DSCAM: variants seen among roughly 807,000 people sequenced by gnomAD.
DSCAM encodes DS cell adhesion molecule, also known as cell adhesion molecule DSCAM.
DSCAM carries 47 observed loss-of-function variants against 217.7 expected under a neutral mutation model. That is an observed-to-expected ratio of 0.22 (90% CI 0.17 to 0.28). The LOEUF is 0.28. Among genes scored for constraint, DSCAM ranks in the 10% least tolerant of loss-of-function variants. The probability of loss-of-function intolerance (pLI) is 1.00; values close to 1 mark genes in which losing one functional copy is unlikely to be tolerated. For synonymous variants in DSCAM, 1,056 were observed against 1,015.3 expected (o/e 1.04, Z -0.76); for missense variants, 2,080 against 2,618.3 (o/e 0.79, Z 4.49).
rs143079973 is a variant in DSCAM, at chr21:40,497,753, T to C, written c.509-128508A>G. On this transcript the variant is annotated intron_variant, in intron 3 of 32. Coordinates refer to ENST00000400454, the MANE Select transcript of DSCAM (RefSeq NM_001389.5). The stretch of plus-strand genomic sequence containing the variant: ...ATATATATACATTTATTTGTCAATA[T>C]ACAAATAAATTGTTTAAAAAATAAA... 2.4e-4 allele frequency among the ~76,000 whole-genome samples: 37 copies of C among 152,334 alleles called. No homozygotes were observed. In the East Asian group the frequency reaches 6.0e-3, roughly 25 times the overall value.
intron 4 of DSCAM, among the ~76,000 whole-genome samples, chr21:40,364,715 C>T (rs1021961646): frequency 6.8e-6 from 1 of 146,076 alleles, no homozygotes; most frequent in South Asian, 2.1e-4. Flanking sequence ...TATACACACA[C>T]AGTAGTATAT....
At chr21:40,598,222 G>T (rs1246773166) in intron 3 of DSCAM, among the ~76,000 whole-genome samples, 1 of 152,062 alleles carries the variant, frequency 6.6e-6, no homozygotes, top group Non-Finnish European at 1.5e-5. Flanking sequence ...TTTCAGACTT[G>T]CTTTCCTTGT....
chr21:40,655,440 GTC>G (rs1167785938), intron 3 of DSCAM, among the ~76,000 whole-genome samples: 1 of 123,048 alleles, frequency 8.1e-6, no homozygotes, highest in Non-Finnish European at 1.7e-5. Flanking sequence ...CCTTCAATCT[GTC>G]TCTCTTTTTT....
intron 11 of DSCAM, among the ~76,000 whole-genome samples, chr21:40,226,815 G>A (rs1018929579): frequency 1.2e-4 from 18 of 152,088 alleles, no homozygotes; most frequent in Admixed American, 5.9e-4. Context: ...CTTGTGTCAC[G>A]GGGGTTTGTT....
At chr21:40,402,923 GA>G (rs1179597224) in intron 3 of DSCAM, among the ~76,000 whole-genome samples, 1 of 151,858 alleles carries the variant, frequency 6.6e-6, no homozygotes, top group African/African-American at 2.4e-5. Context: ...ACAAGTACAG[GA>G]AAAAATGAAT....
chr21:40,154,565 T>G (rs2090457361), intron 16 of DSCAM, among the ~76,000 whole-genome samples: 1 of 152,174 alleles, frequency 6.6e-6, no homozygotes, highest in Admixed American at 6.5e-5. Flanking sequence ...TCAAATGATA[T>G]TTTTGTTCAT....
At chr21:40,771,642 C>T (rs1374942394) in intron 1 of DSCAM, among the ~76,000 whole-genome samples, 1 of 152,208 alleles carries the variant, frequency 6.6e-6, no homozygotes, top group African/African-American at 2.4e-5. Context: ...AACTGCATCT[C>T]TAAGTAAATC....
chr21:40,706,252 T>C (rs956381886), intron 2 of DSCAM, among the ~76,000 whole-genome samples: 7 of 150,544 alleles, frequency 4.6e-5, no homozygotes, highest in Non-Finnish European at 1.0e-4. Flanking sequence ...TCATGAGAAA[T>C]CTTCTGACTT....
At chr21:40,214,358 C>T (rs2091218661) in intron 11 of DSCAM, among the ~76,000 whole-genome samples, 1 of 152,158 alleles carries the variant, frequency 6.6e-6, no homozygotes, top group Non-Finnish European at 1.5e-5. Context: ...AAGTGTGCAT[C>T]TGGTATATTT....
In DSCAM at chr21:40,380,051, A is replaced by C. The variant is rs553904978; in HGVS notation, c.509-10806T>G. Among the ~76,000 whole-genome samples, 2 of 152,262 alleles carry C rather than the reference A, an allele frequency of 1.3e-5. 1 individual carries two copies. Among genetic ancestry groups the C allele is most frequent in the South Asian group, 4.1e-4 (2 of 4,824 alleles). On this transcript the variant is annotated intron_variant, in intron 3 of 32. Transcript: ENST00000400454. Reference sequence around the variant, plus strand: ...GGAGAGATTTGGTGTACATATTTTAAATTCTCTCAAAGCAATTTCACTAAG... The same window carrying C: ...GGAGAGATTTGGTGTACATATTTTACATTCTCTCAAAGCAATTTCACTAAG...
chr21:40,510,719 C>A (rs574710482), intron 3 of DSCAM, among the ~76,000 whole-genome samples: 5 of 152,188 alleles, frequency 3.3e-5, no homozygotes, highest in Admixed American at 6.5e-5. Flanking sequence ...GTTAAAGTGT[C>A]CATGTGCAAG....
rs539080604 is a variant in DSCAM, at chr21:40,503,082, A to G, written c.509-133837T>C. Among the ~76,000 whole-genome samples the G allele has an allele frequency of 1.4e-4, 21 of 152,272 alleles. No individual in the cohort carries two copies. The South Asian group carries it at 3.9e-3, about 29-fold the overall frequency. ...AAATATCTGCTACAAAGTCACTTGC[A>G]TATGTTCTCTTTACTTCCTACTTCC... On this transcript the variant is annotated intron_variant, in intron 3 of 32. Coordinates refer to ENST00000400454, the MANE Select transcript of DSCAM (RefSeq NM_001389.5).
intron 16 of DSCAM, among the ~76,000 whole-genome samples, chr21:40,151,657 G>T (rs2090424268): frequency 6.6e-6 from 1 of 152,182 alleles, no homozygotes; most frequent in African/African-American, 2.4e-5. Context: ...TGATAGCAAG[G>T]GTATGAAGTC....
chr21:40,452,293 A>G (rs1396532067), intron 3 of DSCAM, among the ~76,000 whole-genome samples: 2 of 147,592 alleles, frequency 1.4e-5, no homozygotes, highest in Non-Finnish European at 3.0e-5. Flanking sequence ...ATCCTGGAAA[A>G]TACTCTGTAA....
intron 3 of DSCAM, among the ~76,000 whole-genome samples, chr21:40,595,953 T>A (rs1178648133): frequency 6.6e-6 from 1 of 152,240 alleles, no homozygotes; most frequent in Admixed American, 6.5e-5. Flanking sequence ...CTGTGGCCTC[T>A]GTGCTCTGTG....
intron 32 of DSCAM, among the ~76,000 whole-genome samples, chr21:40,040,412 C>T (rs2088724269): frequency 6.6e-6 from 1 of 152,122 alleles, no homozygotes; most frequent in Non-Finnish European, 1.5e-5. Flanking sequence ...TATGTAAAGG[C>T]CTGCACAAAT....
chr21:40,394,158 T>C (rs1395403017), intron 3 of DSCAM, among the ~76,000 whole-genome samples: 1 of 152,176 alleles, frequency 6.6e-6, no homozygotes, highest in Non-Finnish European at 1.5e-5. Context: ...AATACAGCAG[T>C]GAATTCACAC....
chr21:40,635,274 G>A (rs2089742706), intron 3 of DSCAM, among the ~76,000 whole-genome samples: 2 of 152,192 alleles, frequency 1.3e-5, no homozygotes, highest in South Asian at 4.1e-4. Flanking sequence ...GTCAGCAGGA[G>A]GGAAAAGGAC....
Position 40,042,353 on chromosome 21 carries a change from G to A in DSCAM, c.5686+18C>T, listed in dbSNP as rs1279526701. On this transcript the variant is annotated intron_variant, in intron 32 of 32. Transcript: ENST00000400454. Reference sequence around the variant, plus strand: ...CACTTCCCTAAGCGACGGCCCCCAGGTGGCCTTGCTCACCTACCTGGCCGA... The same window carrying A: ...CACTTCCCTAAGCGACGGCCCCCAGATGGCCTTGCTCACCTACCTGGCCGA... 1 of 1,609,672 alleles carries A rather than the reference G, an allele frequency of 6.2e-7. No homozygotes were observed. Among genetic ancestry groups the A allele is most frequent in the Non-Finnish European group, 8.5e-7 (1 of 1,177,538 alleles).
Sources: allele counts gnomAD v4.1 joint callset (sites outside exome capture counted in the v4.1 genomes callset), GRCh38; gene constraint gnomAD v4.1.1; transcripts MANE v1.5; gene names NCBI Gene and HGNC (gene_info 2026-07-23, HGNC 2026-07-21).